PRICKLE2: variants seen among roughly 807,000 people sequenced by gnomAD.
PRICKLE2 encodes the protein prickle-like protein 2.
PRICKLE2 carries 21 observed loss-of-function variants against 81.4 expected under a neutral mutation model. That is an observed-to-expected ratio of 0.26 (90% confidence interval 0.18 to 0.37). The LOEUF is 0.37. PRICKLE2 is among the 10% of genes least tolerant of loss of function. The probability of loss-of-function intolerance (pLI) is 1.00; values close to 1 mark genes in which losing one functional copy is unlikely to be tolerated. For missense variants in PRICKLE2, 940 were observed against 1,109.0 expected, an observed-to-expected ratio of 0.85 and a Z score of 2.16; for synonymous variants, 456 against 421.5, an observed-to-expected ratio of 1.08 and a Z score of -1.00.
chr3:64,225,346 G>A lies in PRICKLE2; in HGVS notation c.-477C>T, dbSNP rs1193300979. ...CAGCTGATCCTGAGCCAGACCCGGG[G>A]TGACTAGTCAGCTGCTCACAGAGCT... On this transcript the variant is annotated 5_prime_UTR_variant, in exon 1 of 8. Transcript: ENST00000638394. The A allele has an allele frequency of 5.1e-6, 5 of 985,234 alleles. No individual in the cohort carries two copies. The highest frequency in any genetic ancestry group is 6.0e-6 in the Non-Finnish European group (5 of 829,974). 61.0% of individuals were successfully genotyped at this position (985,234 alleles called of 1,614,324 possible). A position where few individuals can be genotyped will look rare whatever the true frequency, so the allele number is the denominator to read the frequency against.
chr3:64,243,912 T>C (rs113740960), intron 2 of PRICKLE2, among the ~76,000 whole-genome samples: 1 of 152,186 alleles, frequency 6.6e-6, no homozygotes, highest in Admixed American at 6.5e-5. Context: ...TAAAATGGTA[T>C]CTGTGAGCCT....
At chr3:64,161,707 A>G (rs2107043141) in intron 3 of PRICKLE2, among the ~76,000 whole-genome samples, 1 of 125,554 alleles carries the variant, frequency 8.0e-6, no homozygotes, top group African/African-American at 3.3e-5. Context: ...CTGTCAAATA[A>G]AAAGAGTTAA....
chr3:64,104,280 T>C (rs1050766831), intron 7 of PRICKLE2, among the ~76,000 whole-genome samples: 4 of 152,148 alleles, frequency 2.6e-5, no homozygotes, highest in African/African-American at 7.2e-5. Flanking sequence ...CAACCTAAGA[T>C]GATGAATGAG....
In PRICKLE2 at chr3:64,100,971, G is replaced by T. The variant is rs554834164; in HGVS notation, c.1661-1046C>A. The stretch of plus-strand genomic sequence containing the variant: ...ATCACCCCTGCTACTGATTATTCCT[G>T]TCTCCTACTGGGGCCTCCAACTTCC... On this transcript the variant is annotated intron_variant, in intron 7 of 7. Transcript: ENST00000638394. 6 of 152,288 alleles carry T rather than the reference G, an allele frequency of 3.9e-5. No homozygotes were observed. The East Asian group carries it at 1.2e-3, about 29-fold the overall frequency. 9.4% of individuals were successfully genotyped at this position (152,288 alleles called of 1,614,324 possible).
intron 7 of PRICKLE2, among the ~76,000 whole-genome samples, chr3:64,132,289 T>G (rs2077207990): frequency 6.6e-6 from 1 of 152,206 alleles, no homozygotes; most frequent in Non-Finnish European, 1.5e-5. Flanking sequence ...TAAGCCATTC[T>G]CCACCCTACT....
At chr3:64,252,643 C>T (rs1487678047) in intron 2 of PRICKLE2, among the ~76,000 whole-genome samples, 1 of 152,170 alleles carries the variant, frequency 6.6e-6, no homozygotes, top group African/African-American at 2.4e-5. Context: ...GGACCCAGGA[C>T]GCATGACGGT....
chr3:64,216,027 G>A (rs2078866747), intron 1 of PRICKLE2, among the ~76,000 whole-genome samples: 1 of 152,242 alleles, frequency 6.6e-6, no homozygotes, highest in Non-Finnish European at 1.5e-5. Flanking sequence ...CTCATCTACA[G>A]AATGGAAGAA....
Position 64,209,229 on chromosome 3 carries a change from C to T in PRICKLE2, c.-40-10262G>A, listed in dbSNP as rs114210673. On this transcript the variant is annotated intron_variant, in intron 1 of 7. Coordinates refer to ENST00000638394, the MANE Select transcript of PRICKLE2 (RefSeq NM_198859.4). ...ACATCCATATCTATCCATCCATTCACCCATCTATCCATTCATTCATACCCA... is the reference window on the plus strand; with the variant it reads ...ACATCCATATCTATCCATCCATTCATCCATCTATCCATTCATTCATACCCA... Among the ~76,000 whole-genome samples the T allele has an allele frequency of 8.0e-3, 1,220 of 152,078 alleles. 19 individuals carry two copies. The highest frequency in any genetic ancestry group is 0.028 in the African/African-American group (1,150 of 41,480).
At chr3:64,114,672 A>G (rs1466614034) in intron 7 of PRICKLE2, among the ~76,000 whole-genome samples, 2 of 151,782 alleles carry the variant, frequency 1.3e-5, no homozygotes, top group African/African-American at 4.8e-5. Context: ...AAGAATAGAA[A>G]AAAAAAAGAA....
At chr3:64,230,474 C>T (rs2079087315) in intron 2 of PRICKLE2, among the ~76,000 whole-genome samples, 1 of 152,034 alleles carries the variant, frequency 6.6e-6, no homozygotes, top group Admixed American at 6.5e-5. Context: ...CCCACGTAAC[C>T]ATAAAGAAAA....
intron 3 of PRICKLE2, among the ~76,000 whole-genome samples, chr3:64,160,843 C>T (rs566553120): frequency 6.6e-6 from 1 of 152,286 alleles, no homozygotes; most frequent in East Asian, 1.9e-4. Context: ...CTGTTATTTA[C>T]TCAATGCTGT....
intron 2 of PRICKLE2, among the ~76,000 whole-genome samples, chr3:64,247,007 C>A (rs2079368925): frequency 6.6e-6 from 1 of 152,142 alleles, no homozygotes; most frequent in Non-Finnish European, 1.5e-5. Flanking sequence ...CAATCGAAGT[C>A]CATTTTGTAA....
chr3:64,118,907 G>T (rs2076982681), intron 7 of PRICKLE2, among the ~76,000 whole-genome samples: 1 of 151,608 alleles, frequency 6.6e-6, no homozygotes, highest in Non-Finnish European at 1.5e-5. Context: ...CTATTATAAA[G>T]AAAGATGCAG....
intron 7 of PRICKLE2, among the ~76,000 whole-genome samples, chr3:64,136,449 A>G (rs2077281171): frequency 6.7e-6 from 1 of 149,474 alleles, no homozygotes; most frequent in South Asian, 2.2e-4. Context: ...AATTTGCACA[A>G]TTGACAAGCA....
At chr3:64,177,812 G>A (rs192179072) in intron 2 of PRICKLE2, among the ~76,000 whole-genome samples, 2 of 152,218 alleles carry the variant, frequency 1.3e-5, no homozygotes, top group Admixed American at 1.3e-4. Flanking sequence ...ATCTGTTGAC[G>A]GAATTTGGGT....
chr3:64,252,102 T>G (rs576480835), intron 2 of PRICKLE2, among the ~76,000 whole-genome samples: 2 of 152,164 alleles, frequency 1.3e-5, no homozygotes, highest in East Asian at 3.9e-4. Flanking sequence ...CAACCCAACA[T>G]GGTCTAAAAA....
chr3:64,122,741 C>T (rs1041971780), intron 7 of PRICKLE2, among the ~76,000 whole-genome samples: 6 of 152,174 alleles, frequency 3.9e-5, no homozygotes, highest in East Asian at 1.9e-4. Context: ...ACTCCTCCCG[C>T]CAAATCCTGG....
chr3:64,114,756 C>A (rs76168198), intron 7 of PRICKLE2, among the ~76,000 whole-genome samples: 1 of 151,916 alleles, frequency 6.6e-6, no homozygotes, highest in African/African-American at 2.4e-5. Flanking sequence ...TGATTGGTGT[C>A]CTTGAAAGAG....
At chr3:64,257,380 T>A (rs2079541772) in intron 2 of PRICKLE2, among the ~76,000 whole-genome samples, 1 of 151,516 alleles carries the variant, frequency 6.6e-6, no homozygotes, top group Admixed American at 6.6e-5. Flanking sequence ...GGGATGGGAG[T>A]ATGAAAGGGG....
Sources: allele counts gnomAD v4.1 joint callset (sites outside exome capture counted in the v4.1 genomes callset), GRCh38; gene constraint gnomAD v4.1.1; transcripts MANE v1.5; gene names NCBI Gene and HGNC (gene_info 2026-07-23, HGNC 2026-07-21).